The following GRID2 variants were observed in gnomAD, a reference collection of about 807,000 sequenced individuals.
GRID2 encodes glutamate receptor ionotropic, delta-2.
Under a neutral mutation model 114.8 loss-of-function variants are expected in GRID2, and 33 were observed. The ratio of observed to expected loss-of-function variants is 0.29; its 90% CI spans 0.22 to 0.38. The LOEUF (loss-of-function observed/expected upper bound fraction) is 0.38, where lower values mean the gene tolerates loss of function less well. Ranked by LOEUF, GRID2 falls within the 10% of genes least tolerant of loss-of-function variation. GRID2 has a pLI of 1.00. For synonymous variants in GRID2, 505 were observed against 449.9 expected, an observed-to-expected ratio of 1.12 and a Z score of -1.55; for missense variants, 1,184 against 1,257.7, an observed-to-expected ratio of 0.94 and a Z score of 0.89.
chr4:92,395,956 G>T (rs555042944), intron 1 of GRID2, among the ~76,000 whole-genome samples: 1 of 151,806 alleles, frequency 6.6e-6, no homozygotes, highest in African/African-American at 2.4e-5. Context: ...TTTGAAATAC[G>T]TAATAACCTA....
At chr4:92,402,965 T>A (rs1730860201) in intron 1 of GRID2, among the ~76,000 whole-genome samples, 1 of 152,212 alleles carries the variant, frequency 6.6e-6, no homozygotes. Context: ...CTTAACCTGA[T>A]CTTCTGCATA....
chr4:93,429,856 C>T (rs1297469301), intron 10 of GRID2, among the ~76,000 whole-genome samples: 2 of 152,224 alleles, frequency 1.3e-5, no homozygotes, highest in Non-Finnish European at 2.9e-5. Flanking sequence ...TTTCTTGTCA[C>T]TGTGCCCACC....
intron 9 of GRID2, among the ~76,000 whole-genome samples, chr4:93,413,039 T>C (rs1379151814): frequency 2.0e-5 from 3 of 152,176 alleles, no homozygotes; most frequent in Non-Finnish European, 4.4e-5. Context: ...CTATTGTAAA[T>C]AGTGCTGCAG....
chr4:92,978,478 C>A (rs1356784238), intron 2 of GRID2, among the ~76,000 whole-genome samples: 1 of 151,986 alleles, frequency 6.6e-6, no homozygotes, highest in East Asian at 2.0e-4. Context: ...AACTTATTTC[C>A]ATTTTTGCTG....
intron 2 of GRID2, among the ~76,000 whole-genome samples, chr4:92,963,079 T>A (rs1310419962): frequency 1.3e-5 from 2 of 152,022 alleles, no homozygotes; most frequent in Non-Finnish European, 2.9e-5. Flanking sequence ...TACCTTAATT[T>A]AAAATACTTC....
At chr4:92,819,225 A>G (rs916100849) in intron 2 of GRID2, among the ~76,000 whole-genome samples, 1 of 152,144 alleles carries the variant, frequency 6.6e-6, no homozygotes. Flanking sequence ...CTGTTTATAC[A>G]TCACAATCAC....
chr4:93,339,521 G>A (rs139625652), intron 8 of GRID2, among the ~76,000 whole-genome samples: 1 of 152,142 alleles, frequency 6.6e-6, no homozygotes, highest in Non-Finnish European at 1.5e-5. Flanking sequence ...GTTTCAGAGG[G>A]AATATGGCCC....
At chr4:93,091,009 T>C (rs2149328927) in intron 3 of GRID2, among the ~76,000 whole-genome samples, 1 of 152,298 alleles carries the variant, frequency 6.6e-6, no homozygotes, top group African/African-American at 2.4e-5. Flanking sequence ...CAAACTACTG[T>C]TGGGCTTGAA....
At chr4:92,306,519 CT>C (rs1233973474) in intron 1 of GRID2, among the ~76,000 whole-genome samples, 1 of 152,036 alleles carries the variant, frequency 6.6e-6, no homozygotes, top group Non-Finnish European at 1.5e-5. Context: ...ATCATAATAC[CT>C]TTATATTCAT....
chr4:92,683,129 C>T (rs1474540690), intron 2 of GRID2, among the ~76,000 whole-genome samples: 2 of 152,060 alleles, frequency 1.3e-5, no homozygotes, highest in African/African-American at 4.8e-5. Flanking sequence ...GAAACCTTGC[C>T]TCTACTAAAA....
chr4:93,704,814 T>C (rs559731412), intron 14 of GRID2, among the ~76,000 whole-genome samples: 9 of 152,338 alleles, frequency 5.9e-5, no homozygotes, highest in Non-Finnish European at 1.2e-4. Context: ...TAGTACTCCA[T>C]TGTGTATATG....
At chr4:93,224,527 A>G in intron 6 of GRID2, 87 bp from the exon 7 acceptor site, 1 of 817,184 alleles carries the variant, frequency 1.2e-6, no homozygotes, top group Non-Finnish European at 2.0e-6. Flanking sequence ...TGACATGAAC[A>G]GAAGCAGTTG....
At chr4:92,412,350 T>A (rs1731379568) in intron 1 of GRID2, among the ~76,000 whole-genome samples, 1 of 152,200 alleles carries the variant, frequency 6.6e-6, no homozygotes. Flanking sequence ...ACTTTACTTC[T>A]TTGCAATACA....
intron 1 of GRID2, among the ~76,000 whole-genome samples, chr4:92,407,447 T>C (rs767766274): frequency 1.1e-4 from 17 of 152,138 alleles, no homozygotes; most frequent in Non-Finnish European, 1.9e-4. Context: ...GGTATATACC[T>C]AGTAGTGGGA....
chr4:93,141,134 C>G (rs1229410224), intron 4 of GRID2, among the ~76,000 whole-genome samples: 3 of 151,844 alleles, frequency 2.0e-5, no homozygotes, highest in African/African-American at 7.3e-5. Context: ...TGATATGTTT[C>G]TGTTATTTAT....
chr4:92,842,979 C>G lies in GRID2; in HGVS notation c.245-242016C>G, dbSNP rs146077249. On this transcript the variant is annotated intron_variant, in intron 2 of 15. Coordinates refer to ENST00000282020, the MANE Select transcript of GRID2 (RefSeq NM_001510.4). ...TAAAGCCAGGCATGGTGTTTTACAC[C>G]GGTAATGTAAGCACTTTGGCAGGCC... 5.7e-3 allele frequency among the ~76,000 whole-genome samples: 874 copies of G among 152,114 alleles called. 15 individuals are homozygous for G. Among genetic ancestry groups the G allele is most frequent in the African/African-American group, 0.02 (830 of 41,524 alleles).
intron 2 of GRID2, among the ~76,000 whole-genome samples, chr4:92,850,561 G>T (rs1343528052): frequency 6.6e-6 from 1 of 151,812 alleles, no homozygotes; most frequent in Admixed American, 6.6e-5. Flanking sequence ...TACAAACCCA[G>T]ATTGTGTACT....
At chr4:93,392,991 G>A (rs150437598) in intron 8 of GRID2, among the ~76,000 whole-genome samples, 63 of 152,028 alleles carry the variant, frequency 4.1e-4, no homozygotes, top group African/African-American at 1.4e-3. Context: ...TACCATGGCT[G>A]ACACATAGAA....
intron 2 of GRID2, among the ~76,000 whole-genome samples, chr4:92,771,105 C>T (rs1028515270): frequency 2.6e-5 from 4 of 152,080 alleles, no homozygotes; most frequent in African/African-American, 9.7e-5. Flanking sequence ...CCTTGAGAAA[C>T]AAAACATAAT....
Sources: allele counts gnomAD v4.1 joint callset (sites outside exome capture counted in the v4.1 genomes callset), GRCh38; gene constraint gnomAD v4.1.1; transcripts MANE v1.5; gene names NCBI Gene and HGNC (gene_info 2026-07-23, HGNC 2026-07-21).